The following C3 variants were observed in gnomAD, a reference collection of about 807,000 sequenced individuals.
C3 encodes C3 and PZP-like alpha-2-macroglobulin domain-containing protein 1.
Under a neutral mutation model 207.9 loss-of-function variants are expected in C3, and 97 were observed. The ratio of observed to expected loss-of-function variants is 0.47; its 90% CI spans 0.40 to 0.55. The LOEUF is 0.55. C3 is among the 20% of genes least tolerant of loss of function. The probability of loss-of-function intolerance (pLI) is 0.00; values close to 1 mark genes in which losing one functional copy is unlikely to be tolerated. For synonymous variants in C3, 848 were observed against 857.6 expected (o/e 0.99, Z 0.20); for missense variants, 1,684 against 2,171.7 (o/e 0.78, Z 4.46).
Position 6,692,963 on chromosome 19 carries a change from G to T in C3, c.3351C>A (p.Val1117=). 6.2e-7 allele frequency: 1 copy of T among 1,614,172 alleles called. No individual in the cohort carries two copies. Among genetic ancestry groups the T allele is most frequent in the Non-Finnish European group, 8.5e-7 (1 of 1,180,038 alleles). ...LILEKQKPDG[V]FQEDAPVIHQ... ...GTATCACGGGCGCATCCTCCTGGAA[G>T]ACCCCGTCGGGCTTCTGCTTCTCCA... Residue 1117 remains valine, a synonymous_variant, in exon 26 of 41, where the codon GTC becomes GTA. Coordinates refer to ENST00000245907, the MANE Select transcript of C3 (RefSeq NM_000064.4).
At chr19:6,689,361 C>A (rs1447829035) in intron 27 of C3, among the ~76,000 whole-genome samples, 35 of 47,546 alleles carry the variant, frequency 7.4e-4, no homozygotes, top group African/African-American at 2.9e-3. Context: ...CCCTCCCTCC[C>A]TCTCTCTCTC....
intron 32 of C3, 43 bp downstream of exon 32, chr19:6,684,517 G>A (rs764010408): frequency 3.2e-6 from 5 of 1,571,946 alleles, no homozygotes; most frequent in Non-Finnish European, 4.4e-6. Flanking sequence ...CATTAGAAGA[G>A]GGGTAGGAGG....
chr19:6,712,721 C>A (rs1967945692), intron 9 of C3, 98 bp from the exon 10 acceptor site: 4 of 1,005,262 alleles, frequency 4.0e-6, no homozygotes. Flanking sequence ...GACCTCCTCC[C>A]TCAGAGTAGA....
At chr19:6,714,136 C>A (rs762719864) in intron 6 of C3, 30 bp downstream of exon 6, 2 of 1,608,316 alleles carry the variant, frequency 1.2e-6, no homozygotes, top group Non-Finnish European at 1.7e-6. Flanking sequence ...GTTCTGGGCA[C>A]TGACTCCCCC....
rs999558407 is a variant in C3 at position 6,686,371 on chromosome 19, T to C, written c.3647-84A>G. On this transcript the variant is annotated intron_variant, in intron 28 of 40. Coordinates refer to ENST00000245907, the MANE Select transcript of C3 (RefSeq NM_000064.4). The stretch of plus-strand genomic sequence containing the variant: ...CAGAGAAAGCTCAGAAAGAGATGCA[T>C]GCTAGACTTCCTGGTGTTTGGGTGT... 4.1e-6 allele frequency: 6 copies of C among 1,453,566 alleles called. No homozygotes were observed. In the Admixed American group the frequency reaches 8.4e-5, roughly 20 times the overall value. The allele number at this position is 1,453,566 out of a possible 1,614,324, so 90.0% of individuals were successfully genotyped here. A position where few individuals can be genotyped will look rare whatever the true frequency, so the allele number is the denominator to read the frequency against.
At chr19:6,697,870 T>C in intron 19 of C3, 76 bp from the exon 20 acceptor site, 1 of 1,461,652 alleles carries the variant, frequency 6.8e-7, no homozygotes, top group South Asian at 1.2e-5. Flanking sequence ...TCTCAGCTCT[T>C]AGTCCACTCC....
In C3 at chr19:6,711,062, C is replaced by T. The variant is rs1002127842; in HGVS notation, c.1404G>A (p.Gly468=). Residue 468 remains glycine, a synonymous_variant, in exon 12 of 41, where the codon GGG becomes GGA. Transcript: ENST00000245907. ...GGAGGAAGTTGACGTTGAGGGTCTC[C>T]CCGGGTCTGAGCTCTGTACGTAGCA... ...LSVLRTELRP[G]ETLNVNFLLR... The T allele has an allele frequency of 6.2e-7, 1 of 1,614,126 alleles. No individual in the cohort carries two copies. The highest frequency in any genetic ancestry group is 1.3e-5 in the African/African-American group (1 of 75,004).
chr19:6,681,059 GTACTTACACAGAA>G (rs947671370), intron 35 of C3, among the ~76,000 whole-genome samples: 3 of 151,888 alleles, frequency 2.0e-5, no homozygotes, highest in African/African-American at 7.3e-5. Context: ...AATCAGCTGG[GTACTTACACAGAA>G]TATTTATGAA....
rs780952671 is a variant in C3 at position 6,702,542 on chromosome 19, G to T, written c.2283C>A (p.Ile761=). Reference sequence around the variant, plus strand: ...TCTCTGGGAACTCACTTCGGGAAACGATGTTCTCTTCTGCAATGATGTCCT... The same window carrying T: ...TCTCTGGGAACTCACTTCGGGAAACTATGTTCTCTTCTGCAATGATGTCCT... ...LDEDIIAEEN[I]VSRSEFPESW... The change falls in exon 18 of 41, where the codon ATC becomes ATA. Residue 761 remains isoleucine (I), a synonymous_variant. Coordinates refer to ENST00000245907, the MANE Select transcript of C3 (RefSeq NM_000064.4). 2 of 1,614,014 alleles carry T rather than the reference G, an allele frequency of 1.2e-6. No homozygotes were observed. The highest frequency in any genetic ancestry group is 3.3e-4 in the Middle Eastern group (2 of 6,062).
intron 29 of C3, 42 bp downstream of exon 29, chr19:6,686,082 G>A (rs755234855): frequency 1.2e-6 from 2 of 1,606,688 alleles, no homozygotes; most frequent in Non-Finnish European, 1.7e-6. Flanking sequence ...GAAGCCGCAG[G>A]AGACAGGGAT....
At chr19:6,717,860 G>A in intron 4 of C3, 1 of 621,552 alleles carries the variant, frequency 1.6e-6, no homozygotes, top group Non-Finnish European at 2.9e-6. Context: ...TGTGCATTGT[G>A]TGTGCACATG....
At chr19:6,717,754 G>C in intron 4 of C3, 1 of 471,550 alleles carries the variant, frequency 2.1e-6, no homozygotes. Context: ...TGTGTGTGTG[G>C]TCATGCACGT....
rs1348311492 is a variant in C3, at chr19:6,707,854, C to T, written c.1921G>A (p.Asp641Asn). Reference protein sequence around the residue: ...SGKDYAGVFSDAGLTFTSSSG... With the variant: ...SGKDYAGVFSNAGLTFTSSSG... Reference sequence around the variant, plus strand: ...CTGCTCGTGAAGGTCAGCCCTGCGTCGGAGAAGACACCGGCGTAATCCTTC... The same window carrying T: ...CTGCTCGTGAAGGTCAGCCCTGCGTTGGAGAAGACACCGGCGTAATCCTTC... Residue 641 changes from aspartate to asparagine, a missense_variant, in exon 15 of 41, where the codon GAC becomes AAC. Physicochemically the swap from Asp to Asn is conservative, Grantham distance 23. Transcript: ENST00000245907. 18 of 1,614,000 alleles carry T rather than the reference C, an allele frequency of 1.1e-5. No individual in the cohort carries two copies. The highest frequency in any genetic ancestry group is 1.7e-5 in the Admixed American group (1 of 60,014).
rs1918261190 is a variant in C3, at chr19:6,694,613, G to A, written c.2972C>T (p.Thr991Ile). Residue 991 changes from threonine (T) to isoleucine (I), a missense_variant, in exon 24 of 41, where the codon ACA becomes ATA. Thr to Ile is a moderately conservative substitution (Grantham distance 89). Coordinates refer to ENST00000245907, the MANE Select transcript of C3 (RefSeq NM_000064.4). ...LLQGTPVAQM[T>I]EDAVDAERLK... Reference sequence around the variant, plus strand: ...CCGTTCCGCGTCGACGGCATCCTCTGTCATCTGGGCCACTGGGGTCCCTGC... The same window carrying A: ...CCGTTCCGCGTCGACGGCATCCTCTATCATCTGGGCCACTGGGGTCCCTGC... 6.2e-7 allele frequency: 1 copy of A among 1,613,046 alleles called. No individual in the cohort carries two copies. Among genetic ancestry groups the A allele is most frequent in the Non-Finnish European group, 8.5e-7 (1 of 1,179,896 alleles).
At chr19:6,705,486 G>A (rs1967755777) in intron 17 of C3, among the ~76,000 whole-genome samples, 1 of 150,638 alleles carries the variant, frequency 6.6e-6, no homozygotes, top group South Asian at 2.1e-4. Context: ...GGGACTACAG[G>A]TGTGCACCCC....
intron 26 of C3, among the ~76,000 whole-genome samples, chr19:6,691,000 T>C (rs1204229922): frequency 6.6e-6 from 1 of 152,060 alleles, no homozygotes; most frequent in African/African-American, 2.4e-5. Flanking sequence ...CTCACAGAGC[T>C]TTTGTCTAGT....
rs11569427 is a variant in C3, at chr19:6,709,088, C to T, written c.1845+596G>A. Among the ~76,000 whole-genome samples, 1,055 of 152,262 alleles carry T rather than the reference C, an allele frequency of 6.9e-3. 11 individuals carry two copies. The highest frequency in any genetic ancestry group is 0.024 in the African/African-American group (1,003 of 41,534). ...CCCATCTCCATCTTCGTCCCTACTCCGGAAACCTTCCCCACTGAATGACCC... is the reference window on the plus strand; with the variant it reads ...CCCATCTCCATCTTCGTCCCTACTCTGGAAACCTTCCCCACTGAATGACCC... On this transcript the variant is annotated intron_variant, in intron 14 of 40. Transcript: ENST00000245907.
Position 6,707,255 on chromosome 19 carries a change from T to C in C3, c.2066A>G (p.Glu689Gly), listed in dbSNP as rs1406918992. 6.2e-7 allele frequency: 1 copy of C among 1,611,494 alleles called. No homozygotes were observed. Among genetic ancestry groups the C allele is most frequent in the Non-Finnish European group, 8.5e-7 (1 of 1,178,984 alleles). ...GCCGTCCTCGCAGCACTTGCGCAGC[T>C]CCTTGGGGTACTTGCCGACTGCGGG... Reference protein sequence around the residue: ...RMDKVGKYPKELRKCCEDGMR... With the variant: ...RMDKVGKYPKGLRKCCEDGMR... Residue 689 changes from glutamate to glycine, a missense_variant, in exon 17 of 41, where the codon GAG (glutamate) becomes GGG (glycine). This residue lies in a region of C3 where 1,280 missense variants were observed against 1,739.1 expected (regional missense o/e 0.74). Coordinates refer to ENST00000245907, the MANE Select transcript of C3 (RefSeq NM_000064.4).
intron 14 of C3, 95 bp downstream of exon 14, chr19:6,709,589 C>G (rs1159429066): frequency 2.2e-6 from 3 of 1,346,906 alleles, no homozygotes; most frequent in Middle Eastern, 1.8e-4. Context: ...GCGCATGCCC[C>G]CCACTGCACT....
Sources: gnomAD v4.1 joint callset for allele counts (sites outside exome capture counted in the v4.1 genomes callset) on GRCh38, gnomAD v4.1.1 for gene constraint, gnomAD v4.1.1 regional missense constraint, MANE v1.5 for transcripts, NCBI Gene and HGNC (gene_info 2026-07-23, HGNC 2026-07-21) for gene names.